The following SH3D21 variants were observed in gnomAD, a reference collection of about 807,000 sequenced individuals.
SH3D21 encodes the protein manchette microtubule inner protein 1.
In SH3D21, 83 loss-of-function variants were observed where a neutral mutation model predicts 82.1. The ratio of observed to expected loss-of-function variants is 1.01; its 90% CI spans 0.85 to 1.21. The LOEUF (loss-of-function observed/expected upper bound fraction) is 1.21, where lower values mean the gene tolerates loss of function less well. SH3D21 is among the 50% of genes most tolerant of loss of function. SH3D21 has a pLI of 0.00. For synonymous variants in SH3D21, 383 were observed against 387.8 expected (o/e 0.99, Z 0.15); for missense variants, 980 against 962.1 (o/e 1.02, Z -0.25).
chr1:36,321,833 C>T, downstream of SH3D21: 1 of 1,014,990 alleles, frequency 9.9e-7, no homozygotes, highest in Non-Finnish European at 1.2e-6. This position sits in a 1 kb window ranked among gnomAD's most constrained non-coding sequence, Gnocchi z 6.1. Context: ...GTGTGTGAGG[C>T]TGGGTGCAGG....
chr1:36,309,517 G>A (rs1467183992), intron 9 of SH3D21, 31 bp from the exon 10 acceptor site: 4 of 1,550,820 alleles, frequency 2.6e-6, no homozygotes, highest in Non-Finnish European at 3.5e-6. Context: ...TTAGATTAAG[G>A]ATGCTCAACC....
Position 36,320,776 on chromosome 1 carries a change from G to A in SH3D21, c.2113G>A (p.Glu705Lys), listed in dbSNP as rs1557487385. 1 of 1,576,972 alleles carries A rather than the reference G, an allele frequency of 6.3e-7. No individual in the cohort carries two copies. ...GEVESLRRAL[E>K]LMEVQLERKL... ...GGTGGAGTCTCTAAGGAGGGCGCTGGAGCTGATGGAGGTGCAGCTGGAGTG... is the reference window on the plus strand; with the variant it reads ...GGTGGAGTCTCTAAGGAGGGCGCTGAAGCTGATGGAGGTGCAGCTGGAGTG... The change falls in exon 14 of 16, where the codon GAG becomes AAG. Residue 705 changes from glutamate (E) to lysine (K), a missense_variant. Coordinates refer to ENST00000453908, the MANE Select transcript of SH3D21 (RefSeq NM_001162530.2).
chr1:36,309,508 T>A, intron 9 of SH3D21, 40 bp from the exon 10 acceptor site: 1 of 1,550,282 alleles, frequency 6.5e-7, no homozygotes, highest in Non-Finnish European at 8.7e-7. Flanking sequence ...TTCTGATTTT[T>A]AGATTAAGGA....
chr1:36,324,656 A>T (rs924881784), downstream of SH3D21: 1 of 152,128 alleles, frequency 6.6e-6, no homozygotes, highest in Non-Finnish European at 1.5e-5. Context: ...CAGTCCCGAG[A>T]CTGGGTTCAA....
At chr1:36,313,302 G>T (rs1420427100) in intron 10 of SH3D21, among the ~76,000 whole-genome samples, 9 of 140,004 alleles carry the variant, frequency 6.4e-5, no homozygotes, top group Non-Finnish European at 3.1e-5. Flanking sequence ...CTCCAGCCTG[G>T]GTGACAGAGT....
At chr1:36,328,496 T>C (rs1263399495), downstream of SH3D21, 1 of 267,210 alleles carries the variant, frequency 3.7e-6, no homozygotes, top group African/African-American at 2.2e-5. Flanking sequence ...ATAGGCCCAG[T>C]GTGGTGGCTC....
In SH3D21 at chr1:36,307,838, A is replaced by G. The variant is rs1646160807; in HGVS notation, c.492+13A>G. The G allele has an allele frequency of 6.4e-7, 1 of 1,551,772 alleles. No homozygotes were observed. Among genetic ancestry groups the G allele is most frequent in the Non-Finnish European group, 8.7e-7 (1 of 1,147,006 alleles). ...GCGGCCTCCCAAGGTAAGTTGGCTC[A>G]GAGTAGGCACAGAGGTGGTGAGTTC... On this transcript the variant is annotated intron_variant, in intron 6 of 15. Transcript: ENST00000453908. The surrounding 1 kb of genome is among the most constrained non-coding windows in gnomAD (Gnocchi z 5.4).
rs573861235 is a variant in SH3D21 at position 36,306,582 on chromosome 1, C to T, written c.5-16C>T. On this transcript the variant is annotated splice_polypyrimidine_tract_variant and intron_variant, in intron 1 of 15. Coordinates refer to ENST00000453908, the MANE Select transcript of SH3D21 (RefSeq NM_001162530.2). The surrounding 1 kb of genome is among the most constrained non-coding windows in gnomAD (Gnocchi z 4.5). ...GCCTTTCTGAGCCGCACGCCGGCCC[C>T]GTCTTCCGCCCGCAGAAGTCCTCGT... 1 of 1,302,602 alleles carries T rather than the reference C, an allele frequency of 7.7e-7. No individual in the cohort carries two copies. Among genetic ancestry groups the T allele is most frequent in the African/African-American group, 1.5e-5 (1 of 65,874 alleles). 80.7% of individuals were successfully genotyped at this position (1,302,602 alleles called of 1,614,324 possible).
intron 10 of SH3D21, among the ~76,000 whole-genome samples, chr1:36,309,852 CAT>C (rs977523456): frequency 2.7e-4 from 41 of 152,188 alleles, no homozygotes; most frequent in African/African-American, 8.9e-4. Flanking sequence ...TGTAAGGAAA[CAT>C]ATGAATATGT....
At chr1:36,309,029 C>T (rs1646186727) in intron 9 of SH3D21, among the ~76,000 whole-genome samples, 1 of 151,838 alleles carries the variant, frequency 6.6e-6, no homozygotes, top group South Asian at 2.1e-4. Flanking sequence ...TTCATATACA[C>T]CTTAAGCCAT....
chr1:36,323,279 G>A (rs6678492), downstream of SH3D21, among the ~76,000 whole-genome samples: 3,455 of 152,318 alleles, frequency 0.023, 141 homozygotes, highest in African/African-American at 0.078. Context: ...CGGGGACCGC[G>A]GGAGGCCCCG....
chr1:36,320,482 A>G lies in SH3D21; in HGVS notation c.1819A>G (p.Asn607Asp). ...GACCCCTGAAGAGGAGGCGCCCCCC[A>G]ACGAGCAGAGGCCTCTGAGAGAGGA... ...ERTPEEEAPP[N>D]EQRPLREEVL... The change falls in exon 14 of 16, where the codon AAC becomes GAC. Residue 607 changes from asparagine to aspartate, a missense_variant. Physicochemically the swap from Asn to Asp is conservative, Grantham distance 23. Transcript: ENST00000453908. 2.5e-6 allele frequency: 4 copies of G among 1,613,732 alleles called. No individual in the cohort carries two copies. The highest frequency in any genetic ancestry group is 3.4e-6 in the Non-Finnish European group (4 of 1,179,906).
rs542626575 is a variant in SH3D21, at chr1:36,307,333, G to C, written c.345+48G>C. 29 of 1,545,364 alleles carry C rather than the reference G, an allele frequency of 1.9e-5. No individual in the cohort carries two copies. The South Asian group carries it at 2.9e-4, about 15-fold the overall frequency. ...CGTTTGGGGGAGGATGATGGAACGCGCCTCCCTAGTGAGCGGGGTGGGAAG... is the reference window on the plus strand; with the variant it reads ...CGTTTGGGGGAGGATGATGGAACGCCCCTCCCTAGTGAGCGGGGTGGGAAG... On this transcript the variant is annotated intron_variant, in intron 4 of 15. Transcript: ENST00000453908. This position sits in a 1 kb window ranked among gnomAD's most constrained non-coding sequence, Gnocchi z 5.4.
Position 36,312,303 on chromosome 1 carries a change from G to A in SH3D21, c.769+2713G>A, listed in dbSNP as rs572337533. Among the ~76,000 whole-genome samples the A allele has an allele frequency of 2.3e-3, 349 of 152,284 alleles. 2 individuals are homozygous for A. Among genetic ancestry groups the A allele is most frequent in the Non-Finnish European group, 1.4e-3 (95 of 68,028 alleles). ...CTCCCAAAGTGCTGGGATTACAGGCGTGAGCCACCGCACACGGCCATAAGA... is the reference window on the plus strand; with the variant it reads ...CTCCCAAAGTGCTGGGATTACAGGCATGAGCCACCGCACACGGCCATAAGA... On this transcript the variant is annotated intron_variant, in intron 10 of 15. Coordinates refer to ENST00000453908, the MANE Select transcript of SH3D21 (RefSeq NM_001162530.2).
In SH3D21 at chr1:36,307,706, T is replaced by A. The variant is rs1193735101; in HGVS notation, c.437-64T>A. Reference sequence around the variant, plus strand: ...ACATATCCTGACCCTGTGACCCCTCTGACCCTCTCCCATGACCTAACCTGT... The same window carrying A: ...ACATATCCTGACCCTGTGACCCCTCAGACCCTCTCCCATGACCTAACCTGT... On this transcript the variant is annotated intron_variant, in intron 5 of 15. Transcript: ENST00000453908. The surrounding 1 kb of genome is among the most constrained non-coding windows in gnomAD (Gnocchi z 5.4). 2.0e-5 allele frequency: 31 copies of A among 1,541,158 alleles called. No homozygotes were observed. The highest frequency in any genetic ancestry group is 2.6e-5 in the Non-Finnish European group (30 of 1,139,788).
downstream of SH3D21, among the ~76,000 whole-genome samples, chr1:36,327,222 A>G (rs144326159): frequency 7.7e-4 from 117 of 152,324 alleles, no homozygotes; most frequent in African/African-American, 2.6e-3. Context: ...TTTGAAGACC[A>G]TCAGCAATAT....
Position 36,307,179 on chromosome 1 carries a change from A to G in SH3D21, c.239A>G (p.Lys80Arg), listed in dbSNP as rs1175412332. 6.4e-7 allele frequency: 1 copy of G among 1,551,714 alleles called. No homozygotes were observed. The highest frequency in any genetic ancestry group is 8.7e-7 in the Non-Finnish European group (1 of 1,146,976). The change falls in exon 4 of 16, where the codon AAA becomes AGA. Residue 80 changes from lysine (K) to arginine (R), a missense_variant. By Grantham distance (26) the Lys-to-Arg change is conservative. Coordinates refer to ENST00000453908, the MANE Select transcript of SH3D21 (RefSeq NM_001162530.2). This position sits in a 1 kb window ranked among gnomAD's most constrained non-coding sequence, Gnocchi z 5.4. ...RCARRRGHPA[K>R]HPRPQRWCKV... Reference sequence around the variant, plus strand: ...TGTCCGGTGCTAGGTCATCCTGCCAAACACCCGAGGCCCCAAAGATGGTGC... The same window carrying G: ...TGTCCGGTGCTAGGTCATCCTGCCAGACACCCGAGGCCCCAAAGATGGTGC...
chr1:36,306,543 G>T lies in SH3D21; in HGVS notation c.5-55G>T. 7.7e-7 allele frequency: 1 copy of T among 1,302,792 alleles called. No individual in the cohort carries two copies. 80.7% of individuals were successfully genotyped at this position (1,302,792 alleles called of 1,614,324 possible). On this transcript the variant is annotated intron_variant, in intron 1 of 15. Transcript: ENST00000453908. This position sits in a 1 kb window ranked among gnomAD's most constrained non-coding sequence, Gnocchi z 4.5. ...CTTGGGGACACGCCCGCCCTAGCCA[G>T]GCTGCCCGGCTGGGCCTTTCTGAGC...
At chr1:36,308,007 C>G in intron 7 of SH3D21, 44 bp downstream of exon 7, 1 of 1,551,304 alleles carries the variant, frequency 6.4e-7, no homozygotes, top group Non-Finnish European at 8.7e-7. Context: ...CAGCCACTCC[C>G]AAGGTTGTGA....
Sources: gnomAD v4.1 joint callset for allele counts (sites outside exome capture counted in the v4.1 genomes callset) on GRCh38, gnomAD v4.1.1 for gene constraint, Gnocchi (gnomAD v3.1) non-coding constraint, MANE v1.5 for transcripts, NCBI Gene and HGNC (gene_info 2026-07-23, HGNC 2026-07-21) for gene names.